Variants in SGSH observed in about 807,000 individuals in gnomAD.
The protein encoded by SGSH is N-sulfoglucosamine sulfohydrolase.
In SGSH, 48 loss-of-function variants were observed where a neutral mutation model predicts 51.0. The observed-to-expected ratio is 0.94, with a 90% CI of 0.75 to 1.20. SGSH has a LOEUF of 1.20. Ranked by LOEUF, SGSH falls within the 50% of genes most tolerant of loss-of-function variation. SGSH has a pLI of 0.00. For synonymous variants in SGSH, 321 were observed against 313.4 expected (o/e 1.02, Z -0.26); for missense variants, 662 against 717.8 (o/e 0.92, Z 0.89).
chr17:80,202,596 G>A (rs557089486), downstream of SGSH: 2,527 of 1,431,140 alleles, frequency 1.8e-3, 3 homozygotes, highest in Non-Finnish European at 2.2e-3. Flanking sequence ...TGTGATGGAT[G>A]CTTTATATAT....
downstream of SGSH, chr17:80,202,139 G>GT (rs765798391): frequency 1.3e-6 from 2 of 1,544,572 alleles, no homozygotes; most frequent in South Asian, 2.2e-5. Flanking sequence ...GCAGAGGCTC[G>GT]TATCTGTGGC....
chr17:80,214,037 G>A, intron 5 of SGSH, 135 bp downstream of exon 5: 1 of 1,360,568 alleles, frequency 7.3e-7, no homozygotes, highest in Non-Finnish European at 1.0e-6. Context: ...GTGGCCCCGA[G>A]GTTGGGAACC....
chr17:80,203,535 C>T (rs1051534516), downstream of SGSH: 2 of 382,312 alleles, frequency 5.2e-6, no homozygotes, highest in Non-Finnish European at 9.4e-6. This position sits in a 1 kb window ranked among gnomAD's most constrained non-coding sequence, Gnocchi z 4.6. Flanking sequence ...TGGAGTGGGG[C>T]CCTGTACGCT....
Position 80,220,151 on chromosome 17 carries a change from C to T in SGSH, c.88+75G>A. ...GGCACACTAGGGTCAGCATTGACCA[C>T]GGGTGGGGAGGAGGCCAGTGGCCAC... On this transcript the variant is annotated intron_variant, in intron 1 of 7. Coordinates refer to ENST00000326317, the MANE Select transcript of SGSH (RefSeq NM_000199.5). 4 of 1,110,862 alleles carry T rather than the reference C, an allele frequency of 3.6e-6. No individual in the cohort carries two copies. The South Asian group carries it at 4.5e-5, about 12-fold the overall frequency. The allele number at this position is 1,110,862 out of a possible 1,614,324, so 68.8% of individuals were successfully genotyped here. A position where few individuals can be genotyped will look rare whatever the true frequency, so the allele number is the denominator to read the frequency against.
downstream of SGSH, chr17:80,204,398 G>C: frequency 6.8e-7 from 1 of 1,469,536 alleles, no homozygotes; most frequent in Non-Finnish European, 9.1e-7. Context: ...GAGGGGCTTT[G>C]GGAGCTGCTG....
intron 5 of SGSH, 40 bp downstream of exon 5, chr17:80,214,132 G>A (rs1256075728): frequency 1.2e-5 from 19 of 1,582,650 alleles, no homozygotes; most frequent in Non-Finnish European, 1.6e-5. Flanking sequence ...CCCGACCCAG[G>A]GCTGACGGGC....
downstream of SGSH, chr17:80,206,899 T>C (rs1313291422): frequency 1.9e-5 from 21 of 1,125,484 alleles, no homozygotes; most frequent in Admixed American, 6.2e-5. Context: ...CCTTCTGACC[T>C]GGGCGTTGGC....
At chr17:80,211,339 G>T in intron 7 of SGSH, 1 of 454,904 alleles carries the variant, frequency 2.2e-6, no homozygotes, top group Admixed American at 3.8e-5. Flanking sequence ...ATCATTTGGG[G>T]CCAGAGAGAG....
chr17:80,207,772 T>G, downstream of SGSH: 1 of 241,732 alleles, frequency 4.1e-6, no homozygotes, highest in Non-Finnish European at 7.9e-6. Context: ...CAGAGGACCA[T>G]TGTAAGGCCA....
rs565919400 is a variant in SGSH at position 80,211,451 on chromosome 17, G to A, written c.950-440C>T. ...CCCCACCTGGAGGCTCTGCCAGGCA[G>A]TGGGCAGGACACACGAGCCTCTGCC... On this transcript the variant is annotated intron_variant, in intron 7 of 7. Coordinates refer to ENST00000326317, the MANE Select transcript of SGSH (RefSeq NM_000199.5). The A allele has an allele frequency of 7.8e-4, 239 of 305,416 alleles. 1 individual carries two copies. The highest frequency in any genetic ancestry group is 4.9e-3 in the African/African-American group (226 of 46,156). The allele number at this position is 305,416 out of a possible 1,614,324, so 18.9% of individuals were successfully genotyped here.
intron 1 of SGSH, among the ~76,000 whole-genome samples, chr17:80,218,535 C>A (rs959858614): frequency 1.3e-5 from 2 of 152,230 alleles, no homozygotes; most frequent in South Asian, 4.1e-4. Flanking sequence ...CATGGATGGA[C>A]AGAGGAGGCT....
chr17:80,211,079 G>T, intron 7 of SGSH, 68 bp from the exon 8 acceptor site: 1 of 1,582,740 alleles, frequency 6.3e-7, no homozygotes, highest in Non-Finnish European at 8.5e-7. Flanking sequence ...CGGAAGGGCC[G>T]AACCTACGCC....
downstream of SGSH, chr17:80,204,117 G>A (rs2041142288): frequency 8.4e-6 from 9 of 1,069,864 alleles, no homozygotes; most frequent in African/African-American, 3.2e-5. Context: ...GAGCATCTGC[G>A]CCTCTGCATC....
chr17:80,210,640 G>A lies in SGSH; in HGVS notation c.1321C>T (p.Arg441Trp), dbSNP rs751604358. 4.0e-5 allele frequency: 64 copies of A among 1,613,970 alleles called. No homozygotes were observed. The Middle Eastern group carries it at 9.9e-4, about 25-fold the overall frequency. The change falls in exon 8 of 8, where the codon CGG becomes TGG. Residue 441 changes from arginine (R) to tryptophan (W), a missense_variant. Coordinates refer to ENST00000326317, the MANE Select transcript of SGSH (RefSeq NM_000199.5). ...TGGGTCTCGTGGGGGTCCCGGCTCCGGTCGTAGAGCTCCCAGCGCGCCCGG... is the reference window on the plus strand; with the variant it reads ...TGGGTCTCGTGGGGGTCCCGGCTCCAGTCGTAGAGCTCCCAGCGCGCCCGG... ...YYRARWELYD[R>W]SRDPHETQNL...
rs34520362 is a variant in SGSH, at chr17:80,213,874, G to C, written c.675C>G (p.Phe225Leu). 23 of 1,607,838 alleles carry C rather than the reference G, an allele frequency of 1.4e-5. No individual in the cohort carries two copies. Among genetic ancestry groups the C allele is most frequent in the African/African-American group, 2.7e-5 (2 of 74,918 alleles). ...CTCGGGCTGCCGGGGTGTTGGGGAC[G>C]AAGTAAGGCACCTGGGGCAGGCGGT... is the stretch of plus-strand genomic sequence containing the variant. ...YDPLDVLVPY[F>L]VPNTPAARAD... The change falls in exon 6 of 8, where the codon TTC becomes TTG. Residue 225 changes from phenylalanine (F) to leucine (L), a missense_variant. Coordinates refer to ENST00000326317, the MANE Select transcript of SGSH (RefSeq NM_000199.5). The surrounding 1 kb of genome is among the most constrained non-coding windows in gnomAD (Gnocchi z 4.6).
At chr17:80,215,679 C>T (rs2041863836) in intron 2 of SGSH, among the ~76,000 whole-genome samples, 1 of 152,150 alleles carries the variant, frequency 6.6e-6, no homozygotes. Flanking sequence ...ATTAGCTGGG[C>T]GTGGTGGCGG....
downstream of SGSH, chr17:80,204,727 C>G (rs1275612313): frequency 7.2e-6 from 3 of 416,888 alleles, no homozygotes; most frequent in Non-Finnish European, 1.3e-5. Flanking sequence ...TCTCCCAGAT[C>G]CTTTGGAAGG....
chr17:80,210,130 T>G lies in SGSH; in HGVS notation c.*322A>C. 1.6e-6 allele frequency: 2 copies of G among 1,240,092 alleles called. No homozygotes were observed. The highest frequency in any genetic ancestry group is 2.0e-6 in the Non-Finnish European group (2 of 983,174). 76.8% of individuals were successfully genotyped at this position (1,240,092 alleles called of 1,614,324 possible). ...AAAACAAGACTCCCTTGTCATGGGC[T>G]GGGGGCGCTGCCCTGTCCGCAGACC... On this transcript the variant is annotated 3_prime_UTR_variant, in exon 8 of 8. Transcript: ENST00000326317.
chr17:80,214,280 G>A lies in SGSH; in HGVS notation c.555C>T (p.His185=), dbSNP rs1224820918. 3.7e-6 allele frequency: 6 copies of A among 1,613,182 alleles called. No individual in the cohort carries two copies. The Admixed American group carries it at 8.3e-5, about 22-fold the overall frequency. Residue 185 remains histidine, a synonymous_variant, in exon 5 of 8, where the codon CAC becomes CAT. Coordinates refer to ENST00000326317, the MANE Select transcript of SGSH (RefSeq NM_000199.5). The stretch of plus-strand genomic sequence containing the variant: ...AGAAGGTTCCGTACTGGGGCTGGGA[G>A]TGCCCACAGCGGTGGGGGTCGTGGA... The part of the protein sequence containing the change: ...VAFHDPHRCG[H]SQPQYGTFCE...
Sources: allele counts gnomAD v4.1 joint callset (sites outside exome capture counted in the v4.1 genomes callset), GRCh38; gene constraint gnomAD v4.1.1; non-coding constraint Gnocchi (gnomAD v3.1); transcripts MANE v1.5; gene names NCBI Gene and HGNC (gene_info 2026-07-23, HGNC 2026-07-21).